GLG1: variants seen among roughly 807,000 people sequenced by gnomAD.
The protein encoded by GLG1 is Golgi apparatus protein 1.
Under a neutral mutation model 160.5 loss-of-function variants are expected in GLG1, and 38 were observed. That is an observed-to-expected ratio of 0.24 (90% CI 0.18 to 0.31). The LOEUF (loss-of-function observed/expected upper bound fraction) is 0.31, where lower values mean the gene tolerates loss of function less well. Among genes scored for constraint, GLG1 ranks in the 10% least tolerant of loss-of-function variants. GLG1 has a pLI of 1.00. For missense variants in GLG1, 1,373 were observed against 1,505.2 expected (o/e 0.91, Z 1.45); for synonymous variants, 644 against 543.4 (o/e 1.19, Z -2.57).
intron 10 of GLG1, among the ~76,000 whole-genome samples, 166 bp from the exon 11 acceptor site, chr16:74,480,560 G>GTT (rs977257775): frequency 2.1e-5 from 3 of 145,194 alleles, no homozygotes; most frequent in Admixed American, 6.9e-5. Flanking sequence ...TTGTTCTTTT[G>GTT]TTTTTTTTTT....
At chr16:74,546,054 T>C (rs141355913) in intron 1 of GLG1, among the ~76,000 whole-genome samples, 1 of 152,366 alleles carries the variant, frequency 6.6e-6, no homozygotes, top group African/African-American at 2.4e-5. Flanking sequence ...TACATTACTA[T>C]AATTCTTTCA....
intron 2 of GLG1, among the ~76,000 whole-genome samples, chr16:74,521,946 G>A (rs2017178129): frequency 6.6e-6 from 1 of 152,184 alleles, no homozygotes; most frequent in Non-Finnish European, 1.5e-5. Flanking sequence ...CAGGGTCCCT[G>A]CAAAGGATAC....
chr16:74,466,817 G>A (rs996421684), intron 18 of GLG1, among the ~76,000 whole-genome samples: 1 of 152,136 alleles, frequency 6.6e-6, no homozygotes, highest in Non-Finnish European at 1.5e-5. Context: ...AAAGAGAACT[G>A]AGGAGTTACC....
intron 1 of GLG1, among the ~76,000 whole-genome samples, chr16:74,605,828 A>T (rs982660695): frequency 1.3e-5 from 2 of 152,200 alleles, no homozygotes; most frequent in Non-Finnish European, 2.9e-5. Flanking sequence ...CACCTCTGGA[A>T]AAAGTTACTA....
At chr16:74,485,465 GT>G (rs2015756006) in intron 9 of GLG1, among the ~76,000 whole-genome samples, 1 of 152,160 alleles carries the variant, frequency 6.6e-6, no homozygotes, top group African/African-American at 2.4e-5. Flanking sequence ...GCCAAAGTAT[GT>G]ACCACCTATC....
rs2014378803 is a variant in GLG1 at position 74,452,874 on chromosome 16, G to C, written c.*293C>G. On this transcript the variant is annotated 3_prime_UTR_variant, in exon 26 of 26. Transcript: ENST00000422840. Reference sequence around the variant, plus strand: ...CAGGTCAGGTGAGTTGGTTCTGGAAGTACCGGAAGTTCTGTTGGTATGAGA... The same window carrying C: ...CAGGTCAGGTGAGTTGGTTCTGGAACTACCGGAAGTTCTGTTGGTATGAGA... 1.1e-5 allele frequency: 12 copies of C among 1,102,330 alleles called. No homozygotes were observed. The South Asian group carries it at 5.2e-4, about 48-fold the overall frequency. 68.3% of individuals were successfully genotyped at this position (1,102,330 alleles called of 1,614,324 possible).
rs1461493089 is a variant in GLG1 at position 74,607,096 on chromosome 16, T to C, written c.-2A>G. 4 of 1,531,286 alleles carry C rather than the reference T, an allele frequency of 2.6e-6. No individual in the cohort carries two copies. Among genetic ancestry groups the C allele is most frequent in the Non-Finnish European group, 3.5e-6 (4 of 1,137,734 alleles). The allele number at this position is 1,531,286 out of a possible 1,614,324, so 94.9% of individuals were successfully genotyped here. The stretch of plus-strand genomic sequence containing the variant: ...CCGTACACGTCCACACGCCGCCATC[T>C]TGAGTCCGCGGCGAGCTCGACGCAC... On this transcript the variant is annotated 5_prime_UTR_variant, in exon 1 of 26. Transcript: ENST00000422840.
rs1475433044 is a variant in GLG1 at position 74,477,293 on chromosome 16, TAAGGTA to T, written c.1965+97_1965+102del. On this transcript the variant is annotated intron_variant, in intron 12 of 25. Coordinates refer to ENST00000422840, the MANE Select transcript of GLG1 (RefSeq NM_001145667.2). ...TGAACAATACAACAAATCACATCTGTAAGGTAAAGAGAGATGGATTTTATGGTGTTT... is the reference window on the plus strand; with the variant it reads ...TGAACAATACAACAAATCACATCTGTAAGAGAGATGGATTTTATGGTGTTT... 5.5e-6 allele frequency: 5 copies of T among 911,720 alleles called. No individual in the cohort carries two copies. The East Asian group carries it at 1.2e-4, about 22-fold the overall frequency. 56.5% of individuals were successfully genotyped at this position (911,720 alleles called of 1,614,324 possible).
chr16:74,532,498 G>A (rs2143612424), intron 1 of GLG1, among the ~76,000 whole-genome samples: 1 of 152,190 alleles, frequency 6.6e-6, no homozygotes, highest in Middle Eastern at 3.4e-3. Flanking sequence ...ATAGAGTGCA[G>A]AGAAAGTCGC....
At chr16:74,535,619 A>G (rs2017667480) in intron 1 of GLG1, among the ~76,000 whole-genome samples, 2 of 152,074 alleles carry the variant, frequency 1.3e-5, no homozygotes, top group Non-Finnish European at 2.9e-5. Flanking sequence ...ATTTTATTGT[A>G]CAGACCGGGT....
rs958492478 is a variant in GLG1 at position 74,587,635 on chromosome 16, G to C, written c.438+19022C>G. Among the ~76,000 whole-genome samples, 5 of 152,200 alleles carry C rather than the reference G, an allele frequency of 3.3e-5. No individual in the cohort carries two copies. The South Asian group carries it at 1.0e-3, about 32-fold the overall frequency. On this transcript the variant is annotated intron_variant, in intron 1 of 25. Transcript: ENST00000422840. ...TGTAATCCCAGCATTTCGGGAGGCC[G>C]AAGTGGGCGATCACGAGGTCAAGAG...
chr16:74,576,918 C>G (rs1419425874), intron 1 of GLG1, among the ~76,000 whole-genome samples: 1 of 130,352 alleles, frequency 7.7e-6, no homozygotes, highest in Non-Finnish European at 1.6e-5. Context: ...ATTCTAACCA[C>G]TCCTAATTTT....
rs1224612122 is a variant in GLG1, at chr16:74,593,601, A to AG, written c.438+13055_438+13056insC. 4.0e-5 allele frequency among the ~76,000 whole-genome samples: 6 copies of AG among 151,520 alleles called. No homozygotes were observed. The East Asian group carries it at 1.2e-3, about 30-fold the overall frequency. Reference sequence around the variant, plus strand: ...AGGCATGTGTGACCATGCCTGGCTAATTTTTGTATTTTTAGTAGAGACAGG... The same window carrying AG: ...AGGCATGTGTGACCATGCCTGGCTAAGTTTTTGTATTTTTAGTAGAGACAGG... On this transcript the variant is annotated intron_variant, in intron 1 of 25. Coordinates refer to ENST00000422840, the MANE Select transcript of GLG1 (RefSeq NM_001145667.2).
intron 1 of GLG1, among the ~76,000 whole-genome samples, chr16:74,536,729 G>C (rs970353024): frequency 6.6e-6 from 1 of 152,106 alleles, no homozygotes; most frequent in Non-Finnish European, 1.5e-5. Context: ...CATATAACAT[G>C]GGTGTAACTA....
Position 74,601,510 on chromosome 16 carries a change from T to C in GLG1, c.438+5147A>G, listed in dbSNP as rs188100551. Among the ~76,000 whole-genome samples, 34 of 152,258 alleles carry C rather than the reference T, an allele frequency of 2.2e-4. No individual in the cohort carries two copies. The East Asian group carries it at 6.2e-3, about 28-fold the overall frequency. ...ATGCTTACAGTCATTTGTTAGTTAA[T>C]GGCACTGACAGCTCTAGTCTCAGTT... On this transcript the variant is annotated intron_variant, in intron 1 of 25. Transcript: ENST00000422840.
At chr16:74,592,807 G>A (rs1482824471) in intron 1 of GLG1, among the ~76,000 whole-genome samples, 1 of 152,064 alleles carries the variant, frequency 6.6e-6, no homozygotes, top group Non-Finnish European at 1.5e-5. Context: ...ATATATAATA[G>A]GTGTGTCCTC....
intron 11 of GLG1, among the ~76,000 whole-genome samples, chr16:74,479,098 A>G (rs2015504904): frequency 7.7e-6 from 1 of 129,980 alleles, no homozygotes; most frequent in African/African-American, 2.9e-5. Context: ...GACGGCAGGC[A>G]CCCGTAATCC....
chr16:74,503,188 C>G (rs992135014), intron 4 of GLG1, among the ~76,000 whole-genome samples: 3 of 151,866 alleles, frequency 2.0e-5, no homozygotes, highest in Admixed American at 1.3e-4. Context: ...GCCTGGGAAA[C>G]AGAGGGAGAC....
rs2016056781 is a variant in GLG1, at chr16:74,492,965, A to G, written c.1226T>C (p.Val409Ala). 1 of 1,606,482 alleles carries G rather than the reference A, an allele frequency of 6.2e-7. No individual in the cohort carries two copies. The highest frequency in any genetic ancestry group is 8.5e-7 in the Non-Finnish European group (1 of 1,176,408). Residue 409 changes from valine to alanine, a missense_variant, in exon 7 of 26, where the codon GTA (valine) becomes GCA (alanine). Transcript: ENST00000422840. The stretch of plus-strand genomic sequence containing the variant: ...AAAAATATGAATGCTACCTCTGTGT[A>G]CAGCTGACTCCAGGCACATTAACAA... ...SYLLMCLESA[V>A]HRGRQVSSEC...
Sources: allele counts gnomAD v4.1 joint callset (sites outside exome capture counted in the v4.1 genomes callset), GRCh38; gene constraint gnomAD v4.1.1; transcripts MANE v1.5; gene names NCBI Gene and HGNC (gene_info 2026-07-23, HGNC 2026-07-21).